The following STAB2 variants were observed in gnomAD, a reference collection of about 807,000 sequenced individuals.
STAB2 encodes the protein stabilin-2.
A neutral mutation model predicts 338.1 loss-of-function variants in STAB2; 288 were observed. The observed-to-expected ratio is 0.85, with a 90% CI of 0.77 to 0.94. STAB2 has a LOEUF of 0.94. Among genes scored for constraint, STAB2 ranks in the 40% least tolerant of loss-of-function variants. STAB2 has a pLI of 0.00. For synonymous variants in STAB2, 1,202 were observed against 1,193.3 expected (o/e 1.01, Z -0.15); for missense variants, 3,141 against 3,210.1 (o/e 0.98, Z 0.52).
At chr12:103,758,803 A>G (rs1884323576) in intron 64 of STAB2, among the ~76,000 whole-genome samples, 1 of 152,176 alleles carries the variant, frequency 6.6e-6, no homozygotes, top group South Asian at 2.1e-4. Context: ...TATTCAATTC[A>G]CGCACAGGTG....
At position 103,673,781 on chromosome 12, in the gene STAB2, C is replaced by G. The variant is rs754560600; in HGVS notation, c.2372-126C>G. ...CCTAAGTCTTCTCCCGGCTCAGCCC[C>G]GATTCTGCTTTGACAAGAGTGAGTG... On this transcript the variant is annotated intron_variant, in intron 22 of 68. Coordinates refer to ENST00000388887, the MANE Select transcript of STAB2 (RefSeq NM_017564.10). The G allele has an allele frequency of 2.1e-5, 22 of 1,035,028 alleles. No homozygotes were observed. The East Asian group carries it at 3.9e-4, about 18-fold the overall frequency. The allele number at this position is 1,035,028 out of a possible 1,614,324, so 64.1% of individuals were successfully genotyped here.
intron 33 of STAB2, among the ~76,000 whole-genome samples, chr12:103,697,477 C>T (rs1878505778): frequency 6.6e-6 from 1 of 152,218 alleles, no homozygotes; most frequent in African/African-American, 2.4e-5. Context: ...CCAAAAAGTC[C>T]TATAATCACC....
chr12:103,613,731 C>G (rs899382094), intron 3 of STAB2, among the ~76,000 whole-genome samples: 1 of 152,178 alleles, frequency 6.6e-6, no homozygotes, highest in Non-Finnish European at 1.5e-5. Flanking sequence ...TGAGACAAAC[C>G]TGGTACCTCA....
rs747833820 is a variant in STAB2, at chr12:103,689,967, T to G, written c.3167T>G (p.Ile1056Ser). The stretch of plus-strand genomic sequence containing the variant: ...AGCTTCTGGTTGTCACAGAGCAATA[T>G]TCCAGCCCTAATAAAGTAGGTGTTA... ...EKSFWLSQSN[I>S]PALIKYHMLL... The change falls in exon 29 of 69, where the codon ATT becomes AGT. Residue 1056 changes from isoleucine (I) to serine (S), a missense_variant. Transcript: ENST00000388887. 4.1e-5 allele frequency: 66 copies of G among 1,613,398 alleles called. No homozygotes were observed. The highest frequency in any genetic ancestry group is 2.3e-4 in the South Asian group (21 of 90,924).
chr12:103,678,949 C>A (rs184572332), intron 25 of STAB2, among the ~76,000 whole-genome samples: 3 of 152,162 alleles, frequency 2.0e-5, no homozygotes, highest in Non-Finnish European at 2.9e-5. Context: ...ATCGGTCCTG[C>A]GGGCCAGTGC....
In STAB2 at chr12:103,654,513, G is replaced by A. The variant is rs763042109; in HGVS notation, c.1408-42G>A. 13 of 1,594,268 alleles carry A rather than the reference G, an allele frequency of 8.2e-6. 1 individual carries two copies. The South Asian group carries it at 1.5e-4, about 18-fold the overall frequency. Reference sequence around the variant, plus strand: ...CTACTCCAGTGCTTGCTCCTTCCAGGACACCATAGTAATCTTATTTTATCT... The same window carrying A: ...CTACTCCAGTGCTTGCTCCTTCCAGAACACCATAGTAATCTTATTTTATCT... On this transcript the variant is annotated intron_variant, in intron 12 of 68. Coordinates refer to ENST00000388887, the MANE Select transcript of STAB2 (RefSeq NM_017564.10).
rs1566005516 is a variant in STAB2, at chr12:103,676,054, GTTTCT to G, written c.2646+37_2646+41del. On this transcript the variant is annotated intron_variant, in intron 24 of 68. Coordinates refer to ENST00000388887, the MANE Select transcript of STAB2 (RefSeq NM_017564.10). ...CTGGTCTTCATTTCCACCCTGCCTG[GTTTCT>G]TTTTTTTTTTTTTTTTTTTTGAGAC... The G allele has an allele frequency of 1.8e-5, 19 of 1,037,708 alleles. No homozygotes were observed. The African/African-American group carries it at 2.0e-4, about 11-fold the overall frequency. The allele number at this position is 1,037,708 out of a possible 1,614,324, so 64.3% of individuals were successfully genotyped here.
intron 56 of STAB2, 41 bp from the exon 57 acceptor site, chr12:103,745,132 C>A: frequency 6.4e-7 from 1 of 1,566,310 alleles, no homozygotes; most frequent in South Asian, 1.2e-5. Context: ...TTGATTGGGT[C>A]TCAACCCCTG....
chr12:103,699,962 G>C (rs1035239772), intron 34 of STAB2, among the ~76,000 whole-genome samples: 4 of 152,302 alleles, frequency 2.6e-5, no homozygotes, highest in African/African-American at 9.6e-5. Flanking sequence ...AAGTGGTGTG[G>C]GCTCCAGGGC....
intron 68 of STAB2, among the ~76,000 whole-genome samples, chr12:103,765,689 TA>T (rs1395685264): frequency 6.6e-6 from 1 of 152,184 alleles, no homozygotes; most frequent in African/African-American, 2.4e-5. Context: ...TAGCTGGGCC[TA>T]CAGGCATGTG....
chr12:103,718,975 C>T (rs1880546341), intron 44 of STAB2, among the ~76,000 whole-genome samples: 1 of 152,212 alleles, frequency 6.6e-6, no homozygotes, highest in South Asian at 2.1e-4. Flanking sequence ...GTTTGCATGT[C>T]GATCCTGGCA....
At chr12:103,649,990 A>C (rs1873617794) in intron 10 of STAB2, among the ~76,000 whole-genome samples, 1 of 152,210 alleles carries the variant, frequency 6.6e-6, no homozygotes, top group South Asian at 2.1e-4. Flanking sequence ...TGATGGAAGC[A>C]GGATTACCTA....
At chr12:103,697,355 T>C (rs535111108) in intron 33 of STAB2, among the ~76,000 whole-genome samples, 1 of 152,366 alleles carries the variant, frequency 6.6e-6, no homozygotes, top group South Asian at 2.1e-4. Context: ...TCTTCTACCT[T>C]GTCTTTTCCC....
intron 9 of STAB2, among the ~76,000 whole-genome samples, chr12:103,645,728 A>G (rs1873278280): frequency 6.6e-6 from 1 of 152,238 alleles, no homozygotes; most frequent in Admixed American, 6.5e-5. Context: ...GATCTACTTT[A>G]CTAATTCCTT....
rs1957282341 is a variant in STAB2 at position 103,620,528 on chromosome 12, A to C, written c.392A>C (p.Glu131Ala). ...NGRGSCAEGM[E>A]GNGTCSCQEG... ...AGAGGCAGTTGTGCTGAAGGCATGGAAGGAAATGGAACCTGCTCCTGCCAA... is the reference window on the plus strand; with the variant it reads ...AGAGGCAGTTGTGCTGAAGGCATGGCAGGAAATGGAACCTGCTCCTGCCAA... The change falls in exon 4 of 69, where the codon GAA becomes GCA. Residue 131 changes from glutamate to alanine, a missense_variant. Coordinates refer to ENST00000388887, the MANE Select transcript of STAB2 (RefSeq NM_017564.10). 1 of 1,575,364 alleles carries C rather than the reference A, an allele frequency of 6.3e-7. No individual in the cohort carries two copies. The highest frequency in any genetic ancestry group is 1.8e-5 in the Admixed American group (1 of 55,140).
At chr12:103,630,958 AGGGC>A (rs1565972623) in intron 5 of STAB2, among the ~76,000 whole-genome samples, 1 of 152,258 alleles carries the variant, frequency 6.6e-6, no homozygotes, top group Non-Finnish European at 1.5e-5. Flanking sequence ...TGCTGCAGAC[AGGGC>A]TGGCCATAGG....
intron 30 of STAB2, among the ~76,000 whole-genome samples, chr12:103,691,075 A>G (rs1877897165): frequency 6.6e-6 from 1 of 152,234 alleles, no homozygotes. Flanking sequence ...GCAATGCCCA[A>G]GGAAGAACCC....
At chr12:103,622,281 A>C (rs1957314008) in intron 5 of STAB2, among the ~76,000 whole-genome samples, 170 bp downstream of exon 5, 1 of 152,264 alleles carries the variant, frequency 6.6e-6, no homozygotes. Context: ...TGAATCAGGC[A>C]GTTTCTGGAA....
At chr12:103,755,220 A>G (rs1039266489) in intron 61 of STAB2, 82 bp from the exon 62 acceptor site, 3 of 1,555,676 alleles carry the variant, frequency 1.9e-6, no homozygotes, top group Non-Finnish European at 2.6e-6. Context: ...TTATGGCCTA[A>G]TAGGGGAATC....
Sources: gnomAD v4.1 joint callset for allele counts (sites outside exome capture counted in the v4.1 genomes callset) on GRCh38, gnomAD v4.1.1 for gene constraint, MANE v1.5 for transcripts, NCBI Gene and HGNC (gene_info 2026-07-23, HGNC 2026-07-21) for gene names.